IMMP2L: variants seen among roughly 807,000 people sequenced by gnomAD.
IMMP2L encodes the protein inner mitochondrial membrane peptidase subunit 2.
In IMMP2L, 18 loss-of-function variants were observed where a neutral mutation model predicts 19.3. The ratio of observed to expected loss-of-function variants is 0.93; its 90% CI spans 0.64 to 1.38. The LOEUF is 1.38. Among genes scored for constraint, IMMP2L ranks in the 40% most tolerant of loss-of-function variants. The pLI is 0.00. For missense variants in IMMP2L, 233 were observed against 218.2 expected, an observed-to-expected ratio of 1.07 and a Z score of -0.43; for synonymous variants, 76 against 73.0, an observed-to-expected ratio of 1.04 and a Z score of -0.21.
chr7:110,833,480 A>C (rs902921438), intron 5 of IMMP2L, among the ~76,000 whole-genome samples: 1 of 151,814 alleles, frequency 6.6e-6, no homozygotes, highest in African/African-American at 2.4e-5. Flanking sequence ...TTAATCACAA[A>C]ATTAGAGTAT....
intron 3 of IMMP2L, among the ~76,000 whole-genome samples, chr7:111,114,919 A>G (rs931207501): frequency 2.6e-5 from 4 of 152,130 alleles, no homozygotes; most frequent in African/African-American, 9.7e-5. Context: ...ATACTTACAC[A>G]ATAGCCTACT....
chr7:111,447,361 G>A (rs897761563), intron 3 of IMMP2L, among the ~76,000 whole-genome samples: 3 of 145,126 alleles, frequency 2.1e-5, no homozygotes, highest in South Asian at 2.2e-4. Flanking sequence ...CGGATCTCTC[G>A]ACAGAAACCC....
At chr7:110,897,041 C>A (rs907586756) in intron 4 of IMMP2L, among the ~76,000 whole-genome samples, 1 of 152,090 alleles carries the variant, frequency 6.6e-6, no homozygotes, top group Non-Finnish European at 1.5e-5. Context: ...CATCCAACTC[C>A]TGGCCTCAAG....
At chr7:111,241,767 G>A (rs1815081409) in intron 3 of IMMP2L, among the ~76,000 whole-genome samples, 1 of 151,524 alleles carries the variant, frequency 6.6e-6, no homozygotes, top group Non-Finnish European at 1.5e-5. Flanking sequence ...CACCAAGGAA[G>A]AAATTACCAG....
At chr7:111,209,977 C>A (rs1303726954) in intron 3 of IMMP2L, among the ~76,000 whole-genome samples, 1 of 152,104 alleles carries the variant, frequency 6.6e-6, no homozygotes, top group Non-Finnish European at 1.5e-5. Context: ...TCTTCCTGTC[C>A]CCTCAGAGTC....
chr7:110,955,956 C>G (rs190341310), intron 4 of IMMP2L, among the ~76,000 whole-genome samples: 142 of 152,046 alleles, frequency 9.3e-4, no homozygotes, highest in Admixed American at 4.8e-3. Flanking sequence ...ATTAAACAAG[C>G]ATCATTTGTA....
At chr7:110,705,932 T>C (rs1345473001) in intron 5 of IMMP2L, among the ~76,000 whole-genome samples, 2 of 152,126 alleles carry the variant, frequency 1.3e-5, no homozygotes. Flanking sequence ...CCATGGTGTA[T>C]ATGTACTACA....
At chr7:111,398,468 C>T (rs1007016192) in intron 3 of IMMP2L, among the ~76,000 whole-genome samples, 4 of 152,086 alleles carry the variant, frequency 2.6e-5, no homozygotes, top group Admixed American at 2.6e-4. Flanking sequence ...ATACAAGGGA[C>T]ATACCTCAAT....
chr7:110,667,757 C>T (rs910801373), intron 5 of IMMP2L, among the ~76,000 whole-genome samples: 9 of 152,180 alleles, frequency 5.9e-5, no homozygotes, highest in African/African-American at 2.2e-4. Context: ...GGACTTTTGA[C>T]ATCCAGAACT....
chr7:111,175,917 A>G (rs185489971), intron 3 of IMMP2L, among the ~76,000 whole-genome samples: 133 of 152,078 alleles, frequency 8.7e-4, no homozygotes, highest in African/African-American at 3.2e-3. Flanking sequence ...TAAGGTGATC[A>G]AAAATAGGAA....
chr7:111,313,696 G>A (rs1351854161), intron 3 of IMMP2L, among the ~76,000 whole-genome samples: 2 of 152,110 alleles, frequency 1.3e-5, no homozygotes, highest in Non-Finnish European at 2.9e-5. Flanking sequence ...TCAGGAAATA[G>A]AATCAGAGGA....
At chr7:110,670,605 G>A (rs139460228) in intron 5 of IMMP2L, among the ~76,000 whole-genome samples, 41 of 151,212 alleles carry the variant, frequency 2.7e-4, no homozygotes, top group African/African-American at 9.5e-4. Flanking sequence ...CAGAAGAATT[G>A]CTTGAACCCA....
intron 3 of IMMP2L, among the ~76,000 whole-genome samples, chr7:111,391,648 G>T (rs537737292): frequency 1.3e-5 from 2 of 152,042 alleles, no homozygotes; most frequent in African/African-American, 4.8e-5. Context: ...ATAACCCAAC[G>T]TGAAAATTAT....
chr7:111,306,080 G>A (rs1822835020), intron 3 of IMMP2L, among the ~76,000 whole-genome samples: 1 of 152,156 alleles, frequency 6.6e-6, no homozygotes, highest in Admixed American at 6.6e-5. Flanking sequence ...ATATCAAAAT[G>A]TGTGCAATGA....
At chr7:111,250,291 G>A (rs995532076) in intron 3 of IMMP2L, among the ~76,000 whole-genome samples, 3 of 152,108 alleles carry the variant, frequency 2.0e-5, no homozygotes, top group Non-Finnish European at 4.4e-5. Flanking sequence ...CATGCTCATG[G>A]ATAGGAAGAA....
chr7:111,401,201 A>C (rs1833393821), intron 3 of IMMP2L, among the ~76,000 whole-genome samples: 1 of 152,150 alleles, frequency 6.6e-6, no homozygotes, highest in South Asian at 2.1e-4. Flanking sequence ...AGTTAAGGTT[A>C]ATCTGTAAAT....
intron 3 of IMMP2L, among the ~76,000 whole-genome samples, chr7:111,203,060 C>G (rs954812356): frequency 2.0e-5 from 3 of 152,046 alleles, no homozygotes; most frequent in African/African-American, 7.2e-5. Flanking sequence ...ATTACAACCT[C>G]CCAAACTAGT....
At chr7:111,214,049 C>G (rs1421076810) in intron 3 of IMMP2L, among the ~76,000 whole-genome samples, 1 of 151,986 alleles carries the variant, frequency 6.6e-6, no homozygotes, top group Non-Finnish European at 1.5e-5. Flanking sequence ...ATTTTTAATA[C>G]ACAATAAATC....
intron 3 of IMMP2L, among the ~76,000 whole-genome samples, chr7:111,386,095 C>A (rs571977295): frequency 6.6e-6 from 1 of 151,732 alleles, no homozygotes; most frequent in South Asian, 2.1e-4. Context: ...CCAGGCTGGT[C>A]TTGAACTCCT....
Sources: gnomAD v4.1 joint callset for allele counts (sites outside exome capture counted in the v4.1 genomes callset) on GRCh38, gnomAD v4.1.1 for gene constraint, MANE v1.5 for transcripts, NCBI Gene and HGNC (gene_info 2026-07-23, HGNC 2026-07-21) for gene names.